BRCA1: variants seen among roughly 807,000 people sequenced by gnomAD.
The protein encoded by BRCA1 is BRCA1 DNA repair associated, also known as breast cancer type 1 susceptibility protein.
Under a neutral mutation model 173.7 loss-of-function variants are expected in BRCA1, and 140 were observed. That is an observed-to-expected ratio of 0.81 (90% CI 0.70 to 0.93). The LOEUF is 0.93. BRCA1 is among the 40% of genes least tolerant of loss of function. The probability of loss-of-function intolerance (pLI) is 0.00; values close to 1 mark genes in which losing one functional copy is unlikely to be tolerated. For synonymous variants in BRCA1, 662 were observed against 756.0 expected (o/e 0.88, Z 2.04); for missense variants, 1,983 against 2,172.5 (o/e 0.91, Z 1.73).
At chr17:43,143,074 A>G (rs1177475534) in intron 1 of BRCA1, among the ~76,000 whole-genome samples, 14 of 149,230 alleles carry the variant, frequency 9.4e-5, no homozygotes, top group African/African-American at 1.5e-4. Context: ...ATGTATATAT[A>G]TGTGTGTGTG....
intron 15 of BRCA1, among the ~76,000 whole-genome samples, chr17:43,069,159 T>C (rs913184063): frequency 3.9e-5 from 6 of 152,170 alleles, no homozygotes; most frequent in African/African-American, 1.2e-4. Context: ...GCTAATGACA[T>C]CCTCCCCCTT....
chr17:43,118,838 A>T (rs996551461), intron 2 of BRCA1, among the ~76,000 whole-genome samples: 1 of 148,012 alleles, frequency 6.8e-6, no homozygotes. Context: ...GTCTTGGCTC[A>T]CTGCAACCTC....
Position 43,091,511 on chromosome 17 carries a change from C to A in BRCA1, c.4020G>T (p.Leu1340Phe), listed in dbSNP as rs1555586637. 1 of 1,613,788 alleles carries A rather than the reference C, an allele frequency of 6.2e-7. No homozygotes were observed. Among genetic ancestry groups the A allele is most frequent in the Middle Eastern group, 1.7e-4 (1 of 6,060 alleles). The change falls in exon 10 of 23, where the codon TTG (leucine) becomes TTT (phenylalanine). Residue 1340 changes from leucine to phenylalanine, a missense_variant. Transcript: ENST00000357654. ...TTCCTCTTTCTTCATCATCTGAAAC[C>A]AATTCCTTGTCACTCAGACCAACTC... ...SQGVGLSDKELVSDDEERGTG... is the reference protein window; with the variant it reads ...SQGVGLSDKEFVSDDEERGTG...
At position 43,045,304 on chromosome 17, in the gene BRCA1, A is replaced by G; in HGVS notation, c.*374T>C. The stretch of plus-strand genomic sequence containing the variant: ...AGAAGTAAACTTAGGGAAACCAGCT[A>G]TTCTCTTGAGGCCAAGCCACTCTGT... On this transcript the variant is annotated 3_prime_UTR_variant, in exon 23 of 23. Coordinates refer to ENST00000357654, the MANE Select transcript of BRCA1 (RefSeq NM_007294.4). The G allele has an allele frequency of 1.8e-6, 1 of 554,718 alleles. No homozygotes were observed. The highest frequency in any genetic ancestry group is 3.7e-5 in the East Asian group (1 of 26,748). The allele number at this position is 554,718 out of a possible 1,614,324, so 34.4% of individuals were successfully genotyped here. A position where few individuals can be genotyped will look rare whatever the true frequency, so the allele number is the denominator to read the frequency against.
chr17:43,128,951 C>T (rs1244881905), upstream of BRCA1, among the ~76,000 whole-genome samples: 1 of 152,076 alleles, frequency 6.6e-6, no homozygotes, highest in African/African-American at 2.4e-5. Flanking sequence ...AGCCACCACT[C>T]CCGGCCTCAG....
At chr17:43,139,730 C>T (rs1597935470) in intron 1 of BRCA1, 1 of 387,036 alleles carries the variant, frequency 2.6e-6, no homozygotes, top group Non-Finnish European at 5.2e-6. Context: ...TCTGTTGTTC[C>T]CTTCTTTGTG....
At chr17:43,160,651 T>C (rs1350305504) in intron 1 of BRCA1, 1 of 152,008 alleles carries the variant, frequency 6.6e-6, no homozygotes, top group African/African-American at 2.4e-5. Flanking sequence ...TGCCTTTTAG[T>C]TTTTACTTTT....
At position 43,082,865 on chromosome 17, in the gene BRCA1, G is replaced by A. The variant is rs1424377297; in HGVS notation, c.4186-290C>T. On this transcript the variant is annotated intron_variant, in intron 11 of 22. Coordinates refer to ENST00000357654, the MANE Select transcript of BRCA1 (RefSeq NM_007294.4). ...GGTTATTTTCTTTTAAAGCTAGGGAGTGAAAAAATAATTAAGGCATTTAAA... is the reference window on the plus strand; with the variant it reads ...GGTTATTTTCTTTTAAAGCTAGGGAATGAAAAAATAATTAAGGCATTTAAA... 7.1e-6 allele frequency: 3 copies of A among 424,102 alleles called. No individual in the cohort carries two copies. In the Admixed American group the frequency reaches 1.2e-4, roughly 16 times the overall value. The allele number at this position is 424,102 out of a possible 1,614,324, so 26.3% of individuals were successfully genotyped here.
chr17:43,104,358 T>C, intron 5 of BRCA1, 97 bp from the exon 6 acceptor site: 1 of 1,350,704 alleles, frequency 7.4e-7, no homozygotes, highest in South Asian at 1.3e-5. Flanking sequence ...ATGCTCTTTG[T>C]TGTGTTAAGA....
intron 8 of BRCA1, among the ~76,000 whole-genome samples, chr17:43,096,768 A>C (rs193017953): frequency 3.3e-5 from 5 of 152,340 alleles, no homozygotes; most frequent in Admixed American, 6.5e-5. Flanking sequence ...TGCTGTGTCA[A>C]TATTACTGTA....
At chr17:43,116,675 C>T (rs1245895246) in intron 2 of BRCA1, among the ~76,000 whole-genome samples, 12 of 152,288 alleles carry the variant, frequency 7.9e-5, no homozygotes, top group East Asian at 5.8e-4. Flanking sequence ...TGCGCCACCA[C>T]GCCCGGCTGA....
chr17:43,132,235 A>T (rs2055973403), intron 1 of BRCA1, among the ~76,000 whole-genome samples: 1 of 151,986 alleles, frequency 6.6e-6, no homozygotes, highest in Non-Finnish European at 1.5e-5. Context: ...GTTGTGACTG[A>T]CTTCTCTTTC....
At chr17:43,165,921 TATAATA>T (rs967449673) in intron 1 of BRCA1, 7 of 151,494 alleles carry the variant, frequency 4.6e-5, no homozygotes, top group Non-Finnish European at 7.4e-5. Flanking sequence ...AAACTTAAAG[TATAATA>T]ATAATAATAA....
intron 3 of BRCA1, 144 bp from the exon 4 acceptor site, chr17:43,106,677 A>T (rs1485359916): frequency 1.5e-6 from 1 of 645,540 alleles, no homozygotes; most frequent in Non-Finnish European, 2.7e-6. Flanking sequence ...AATTACAAGC[A>T]ATAGTTTCCT....
rs2052721149 is a variant in BRCA1 at position 43,076,507 on chromosome 17, T to C, written c.4465A>G (p.Lys1489Glu). 1 of 1,613,840 alleles carries C rather than the reference T, an allele frequency of 6.2e-7. No homozygotes were observed. Among genetic ancestry groups the C allele is most frequent in the Non-Finnish European group, 8.5e-7 (1 of 1,179,880 alleles). The change falls in exon 13 of 23, where the codon AAA becomes GAA. Residue 1489 changes from lysine to glutamate, a missense_variant. Transcript: ENST00000357654. ...VSADSSTSKN[K>E]EPGVERSSPS... ...TCTTACCTTTCCACTCCTGGTTCTT[T>C]ATTTTTACTGGTAGAACTATCTGCA...
chr17:43,050,488 C>T (rs1306221420), intron 20 of BRCA1, among the ~76,000 whole-genome samples: 2 of 151,734 alleles, frequency 1.3e-5, no homozygotes, highest in East Asian at 1.9e-4. Context: ...TGGCACACGC[C>T]TGTAGTCTCA....
At chr17:43,127,544 G>C (rs799910), upstream of BRCA1, among the ~76,000 whole-genome samples, 74,878 of 151,924 alleles carry the variant, frequency 0.49, 21,851 homozygotes, top group African/African-American at 0.83. Context: ...TCTAGCAAAT[G>C]TAGTGGGGAC....
intron 1 of BRCA1, among the ~76,000 whole-genome samples, chr17:43,145,559 C>T (rs1471183067): frequency 2.0e-5 from 3 of 152,114 alleles, no homozygotes; most frequent in Admixed American, 6.5e-5. Flanking sequence ...ATCTCCTGAC[C>T]TCGTGATCCG....
At chr17:43,160,564 G>A (rs1247604808) in intron 1 of BRCA1, 2 of 152,154 alleles carry the variant, frequency 1.3e-5, no homozygotes, top group African/African-American at 2.4e-5. Context: ...TAACATAACC[G>A]ATTAGGTCCG....
Sources: gnomAD v4.1 joint callset for allele counts (sites outside exome capture counted in the v4.1 genomes callset) on GRCh38, gnomAD v4.1.1 for gene constraint, MANE v1.5 for transcripts, NCBI Gene and HGNC (gene_info 2026-07-23, HGNC 2026-07-21) for gene names.